PWWP3B: variants seen among roughly 807,000 people sequenced by gnomAD.
PWWP3B encodes the protein PWWP domain-containing DNA repair factor 3B.
A neutral mutation model predicts 15.7 loss-of-function variants in PWWP3B; 5 were observed. The observed-to-expected ratio is 0.32, with a 90% confidence interval of 0.17 to 0.67. The LOEUF (loss-of-function observed/expected upper bound fraction) is 0.67, where lower values mean the gene tolerates loss of function less well. Ranked by LOEUF, PWWP3B falls within the 30% of genes least tolerant of loss-of-function variation. PWWP3B has a pLI of 0.74. For synonymous variants in PWWP3B, 203 were observed against 179.8 expected, an observed-to-expected ratio of 1.13 and a Z score of -1.03; for missense variants, 519 against 493.1, an observed-to-expected ratio of 1.05 and a Z score of -0.50.
rs765263149 is a variant in PWWP3B, at chrX:106,206,673, G to A, written c.1241G>A (p.Arg414Lys). ...TGGCCAGCAGTGATAAAAAGTATCA[G>A]ACGAAAAGAGAGGAAAGCAAGTGTG... ...PFWPAVIKSI[R>K]RKERKASVLF... The change falls in exon 4 of 4, where the codon AGA becomes AAA. Residue 414 changes from arginine to lysine, a missense_variant. Physicochemically the swap from Arg to Lys is conservative, Grantham distance 26. Coordinates refer to ENST00000357175, the MANE Select transcript of PWWP3B (RefSeq NM_001171020.2). 4.1e-6 allele frequency: 5 copies of A among 1,208,361 alleles called. No homozygotes were observed.
At position 106,205,753 on chromosome X, in the gene PWWP3B, C is replaced by A; in HGVS notation, c.321C>A (p.Ser107Arg). Reference sequence around the variant, plus strand: ...AGAGAACAAATTTGAGTCAAGCAAGCACTTCAGATGAAGAGGAGATCACTA... The same window carrying A: ...AGAGAACAAATTTGAGTCAAGCAAGAACTTCAGATGAAGAGGAGATCACTA... Reference protein sequence around the residue: ...LNERTNLSQASTSDEEEITML... With the variant: ...LNERTNLSQARTSDEEEITML... The change falls in exon 4 of 4, where the codon AGC becomes AGA. Residue 107 changes from serine to arginine, a missense_variant. By Grantham distance (110) the Ser-to-Arg change is moderately radical (BLOSUM62 -1). Transcript: ENST00000357175. 5 of 1,211,367 alleles carry A rather than the reference C, an allele frequency of 4.1e-6. No homozygotes were observed. The highest frequency in any genetic ancestry group is 5.6e-6 in the Non-Finnish European group (5 of 895,296).
At chrX:106,186,514 C>A (rs1922518024) in intron 2 of PWWP3B, among the ~76,000 whole-genome samples, 1 of 110,950 alleles carries the variant, frequency 9.0e-6, no homozygotes, top group Non-Finnish European at 1.9e-5. Context: ...GAAAGGGGTC[C>A]AATGGTACTC....
At chrX:106,172,451 TA>T (rs1308714131) in intron 2 of PWWP3B, among the ~76,000 whole-genome samples, 3 of 111,383 alleles carry the variant, frequency 2.7e-5, no homozygotes, top group African/African-American at 6.5e-5. Context: ...TTTCCTATTT[TA>T]AAAAATTTTT....
chrX:106,193,839 C>T (rs901961114), intron 2 of PWWP3B, among the ~76,000 whole-genome samples: 108 of 112,048 alleles, frequency 9.6e-4, no homozygotes, highest in Non-Finnish European at 1.8e-3. Context: ...GTTGAAAATT[C>T]TTTTCTTTAA....
intron 2 of PWWP3B, among the ~76,000 whole-genome samples, chrX:106,191,145 A>T (rs1306292084): frequency 9.1e-6 from 1 of 110,157 alleles, no homozygotes; most frequent in Non-Finnish European, 1.9e-5. Context: ...CAGTATGGCC[A>T]TTTTCACGAT....
intron 2 of PWWP3B, among the ~76,000 whole-genome samples, chrX:106,189,108 T>C (rs774856404): frequency 1.2e-4 from 13 of 112,514 alleles, no homozygotes; most frequent in African/African-American, 4.2e-4. Context: ...CATTTTGCAT[T>C]TCCACCAGCA....
At chrX:106,199,197 C>T (rs761459860) in intron 2 of PWWP3B, among the ~76,000 whole-genome samples, 3 of 109,753 alleles carry the variant, frequency 2.7e-5, no homozygotes, top group East Asian at 5.7e-4. Context: ...TACAGGCACC[C>T]GCCACCAAGC....
At chrX:106,195,978 G>A (rs186162613) in intron 2 of PWWP3B, among the ~76,000 whole-genome samples, 67 of 111,965 alleles carry the variant, frequency 6.0e-4, no homozygotes, top group Middle Eastern at 9.2e-3. Flanking sequence ...TCTCATCAGT[G>A]TGTTGAAGTC....
At chrX:106,203,445 T>G (rs149295531) in intron 2 of PWWP3B, among the ~76,000 whole-genome samples, 2,093 of 111,781 alleles carry the variant, frequency 0.019, 51 homozygotes, top group African/African-American at 0.064. Context: ...CTACATCTGA[T>G]AGTGAGTGAA....
chrX:106,173,560 A>G (rs886111918), intron 2 of PWWP3B, among the ~76,000 whole-genome samples: 2 of 111,200 alleles, frequency 1.8e-5, no homozygotes, highest in African/African-American at 3.3e-5. Context: ...ATGCAATCCA[A>G]TTATCACCCA....
intron 2 of PWWP3B, among the ~76,000 whole-genome samples, chrX:106,190,377 T>A (rs1375582020): frequency 1.8e-5 from 2 of 112,151 alleles, no homozygotes; most frequent in African/African-American, 6.5e-5. Flanking sequence ...ATTCGCCGAC[T>A]TTTTGATGGG....
At chrX:106,186,434 T>C in intron 2 of PWWP3B, among the ~76,000 whole-genome samples, 1 of 111,488 alleles carries the variant, frequency 9.0e-6, no homozygotes, top group Non-Finnish European at 1.9e-5. Flanking sequence ...GCTAGTTGCT[T>C]TTAATTGGCC....
chrX:106,192,049 G>A (rs1431267679), intron 2 of PWWP3B, among the ~76,000 whole-genome samples: 1 of 111,709 alleles, frequency 9.0e-6, no homozygotes, highest in East Asian at 2.8e-4. Flanking sequence ...GATGATGCTG[G>A]CCTCATAAAA....
chrX:106,200,788 C>A (rs1368948232), intron 2 of PWWP3B, among the ~76,000 whole-genome samples: 1 of 111,684 alleles, frequency 9.0e-6, no homozygotes, highest in Non-Finnish European at 1.9e-5. Context: ...GTGGCTCACG[C>A]CTGTAATCCC....
At chrX:106,173,574 A>G (rs1219680012) in intron 2 of PWWP3B, among the ~76,000 whole-genome samples, 1 of 111,336 alleles carries the variant, frequency 9.0e-6, no homozygotes, top group Non-Finnish European at 1.9e-5. Context: ...TCACCCATTG[A>G]AAATACTTTA....
chrX:106,200,362 G>T (rs1018845926), intron 2 of PWWP3B, among the ~76,000 whole-genome samples: 2 of 111,095 alleles, frequency 1.8e-5, no homozygotes, highest in African/African-American at 6.6e-5. Context: ...TTTAGGGGTT[G>T]TTTATAGCAC....
At chrX:106,201,231 A>G (rs1163420422) in intron 2 of PWWP3B, among the ~76,000 whole-genome samples, 5 of 111,977 alleles carry the variant, frequency 4.5e-5, no homozygotes, top group African/African-American at 1.6e-4. Flanking sequence ...GAAGAACTGA[A>G]TAAAAGTAGA....
chrX:106,191,106 A>G (rs1249142867), intron 2 of PWWP3B, among the ~76,000 whole-genome samples: 1 of 109,370 alleles, frequency 9.1e-6, no homozygotes, highest in Non-Finnish European at 1.9e-5. Context: ...CTTGATGGGG[A>G]TGGCATTGAA....
At position 106,206,302 on chromosome X, in the gene PWWP3B, C is replaced by T; in HGVS notation, c.870C>T (p.Cys290=). 2 of 1,205,092 alleles carry T rather than the reference C, an allele frequency of 1.7e-6. No individual in the cohort carries two copies. Among genetic ancestry groups the T allele is most frequent in the Non-Finnish European group, 1.1e-6 (1 of 891,793 alleles). The change falls in exon 4 of 4, where the codon TGC becomes TGT. Residue 290 remains cysteine (C), a synonymous_variant. Coordinates refer to ENST00000357175, the MANE Select transcript of PWWP3B (RefSeq NM_001171020.2). The part of the protein sequence containing the change: ...EDPGEGPSNP[C]LDTSQNQPSM... ...CTGGAGAGGGTCCCTCAAATCCATG[C>T]TTAGATACCAGCCAGAATCAACCTT...
Sources: allele counts gnomAD v4.1 joint callset (sites outside exome capture counted in the v4.1 genomes callset), GRCh38; gene constraint gnomAD v4.1.1; transcripts MANE v1.5; gene names NCBI Gene and HGNC (gene_info 2026-07-23, HGNC 2026-07-21).